The following NTM variants were observed in gnomAD, a reference collection of about 807,000 sequenced individuals.
NTM encodes IgLON family member 2.
Under a neutral mutation model 42.1 loss-of-function variants are expected in NTM, and 13 were observed. That is an observed-to-expected ratio of 0.31 (90% confidence interval 0.20 to 0.49). NTM has a LOEUF of 0.49. NTM is among the 20% of genes least tolerant of loss of function. The pLI is 0.99. For missense variants in NTM, 373 were observed against 452.8 expected (o/e 0.82, Z 1.60); for synonymous variants, 187 against 179.2 (o/e 1.04, Z -0.35).
At chr11:131,630,315 T>TA (rs1271767716) in intron 1 of NTM, among the ~76,000 whole-genome samples, 10 of 149,998 alleles carry the variant, frequency 6.7e-5, no homozygotes, top group African/African-American at 2.2e-4. Context: ...CAAATATATA[T>TA]TGTTTTCTCT....
chr11:131,385,546 T>TG (rs35633879), intron 1 of NTM, among the ~76,000 whole-genome samples: 3,300 of 152,148 alleles, frequency 0.022, 109 homozygotes, highest in African/African-American at 0.075. Context: ...GGAAAGAGTT[T>TG]GGGGGTTTCT....
intron 1 of NTM, chr11:131,796,159 G>A (rs1565562796): frequency 1.2e-5 from 12 of 985,330 alleles, no homozygotes; most frequent in Non-Finnish European, 1.3e-5. Context: ...ATGAAATATC[G>A]AAGCCCTCCT....
At chr11:131,647,982 T>C (rs1451656921) in intron 1 of NTM, among the ~76,000 whole-genome samples, 1 of 152,142 alleles carries the variant, frequency 6.6e-6, no homozygotes, top group Non-Finnish European at 1.5e-5. Context: ...CCAATAGTTA[T>C]TTTCTTCTGC....
intron 4 of NTM, among the ~76,000 whole-genome samples, chr11:132,287,967 T>C (rs1381376317): frequency 1.3e-5 from 2 of 152,244 alleles, no homozygotes; most frequent in African/African-American, 2.4e-5. Flanking sequence ...TTTATGTGGT[T>C]CAAGGGTATG....
intron 1 of NTM, among the ~76,000 whole-genome samples, chr11:131,525,531 G>A (rs940902501): frequency 3.3e-5 from 5 of 152,218 alleles, no homozygotes; most frequent in Non-Finnish European, 5.9e-5. Flanking sequence ...TAGCCAGAAG[G>A]AGCCTAGCTA....
chr11:132,211,952 A>G (rs2082917856), intron 3 of NTM, 70 bp from the exon 4 acceptor site: 1 of 1,528,350 alleles, frequency 6.5e-7, no homozygotes, highest in Non-Finnish European at 8.8e-7. Context: ...TGTTCTGCCA[A>G]CTACCATGTT....
intron 1 of NTM, among the ~76,000 whole-genome samples, chr11:131,728,440 A>G (rs2135459716): frequency 6.6e-6 from 1 of 152,306 alleles, no homozygotes; most frequent in Non-Finnish European, 1.5e-5. Flanking sequence ...AATGCATAGG[A>G]TGAGGTACAG....
At chr11:131,780,759 C>G (rs1192572596) in intron 1 of NTM, among the ~76,000 whole-genome samples, 2 of 152,154 alleles carry the variant, frequency 1.3e-5, no homozygotes, top group African/African-American at 4.8e-5. Flanking sequence ...GTACACGAAG[C>G]AGCCTTTAGA....
chr11:131,636,230 T>C (rs1288710543), intron 1 of NTM, among the ~76,000 whole-genome samples: 1 of 152,234 alleles, frequency 6.6e-6, no homozygotes, highest in African/African-American at 2.4e-5. Context: ...GCAGAAAAAC[T>C]AGAGTTCCGA....
intron 1 of NTM, among the ~76,000 whole-genome samples, chr11:131,863,830 C>A (rs1020128792): frequency 2.6e-5 from 4 of 152,180 alleles, no homozygotes; most frequent in African/African-American, 9.7e-5. Flanking sequence ...GAGGACCAGC[C>A]AGCGCTTGTA....
At chr11:132,194,805 C>T (rs1398194458) in intron 3 of NTM, among the ~76,000 whole-genome samples, 1 of 147,332 alleles carries the variant, frequency 6.8e-6, no homozygotes, top group Non-Finnish European at 1.5e-5. Flanking sequence ...AAATCAGTAG[C>T]ATTTCTTCCT....
intron 4 of NTM, among the ~76,000 whole-genome samples, chr11:132,302,848 C>T (rs982187316): frequency 1.3e-5 from 2 of 152,204 alleles, no homozygotes; most frequent in African/African-American, 4.8e-5. Context: ...CAGTTTCCCA[C>T]AAGAAAAATA....
chr11:131,961,823 C>A (rs1311368788), intron 2 of NTM, among the ~76,000 whole-genome samples: 2 of 152,252 alleles, frequency 1.3e-5, no homozygotes, highest in East Asian at 1.9e-4. Context: ...CAGAGATCAC[C>A]TTTTGTCAGG....
At chr11:131,585,762 GT>G (rs764422448) in intron 1 of NTM, among the ~76,000 whole-genome samples, 1 of 151,806 alleles carries the variant, frequency 6.6e-6, no homozygotes, top group East Asian at 1.9e-4. Flanking sequence ...GTAGTGTGTG[GT>G]TTGTCCTATT....
At chr11:131,384,651 C>G (rs1030140899) in intron 1 of NTM, among the ~76,000 whole-genome samples, 5 of 151,938 alleles carry the variant, frequency 3.3e-5, no homozygotes, top group Non-Finnish European at 7.4e-5. Context: ...CCAGGTGAGG[C>G]CCTCAGGGAA....
intron 4 of NTM, among the ~76,000 whole-genome samples, chr11:132,297,570 AT>A (rs1486422605): frequency 1.3e-5 from 2 of 152,210 alleles, no homozygotes; most frequent in Non-Finnish European, 2.9e-5. Flanking sequence ...AGATCGATAT[AT>A]CTATTCTTCA....
intron 2 of NTM, among the ~76,000 whole-genome samples, chr11:131,913,825 G>A (rs2055761493): frequency 1.3e-5 from 2 of 152,160 alleles, no homozygotes; most frequent in African/African-American, 4.8e-5. Flanking sequence ...ATGTCTTCCT[G>A]ACACTCAAGA....
chr11:132,310,088 C>A (rs2140211406), intron 5 of NTM, 24 bp from the exon 6 acceptor site: 1 of 1,554,088 alleles, frequency 6.4e-7, no homozygotes, highest in Non-Finnish European at 8.6e-7. Flanking sequence ...GGGGGGGCGG[C>A]TATGAGACAT....
At chr11:131,396,235 G>A (rs931362917) in intron 1 of NTM, among the ~76,000 whole-genome samples, 3 of 152,150 alleles carry the variant, frequency 2.0e-5, no homozygotes, top group Non-Finnish European at 2.9e-5. Context: ...CCTACAAAAC[G>A]GGGTCCATAT....
Sources: allele counts gnomAD v4.1 joint callset (sites outside exome capture counted in the v4.1 genomes callset), GRCh38; gene constraint gnomAD v4.1.1; transcripts MANE v1.5; gene names NCBI Gene and HGNC (gene_info 2026-07-23, HGNC 2026-07-21).